PEAK1: variants seen among roughly 807,000 people sequenced by gnomAD.
PEAK1 encodes the protein inactive tyrosine-protein kinase PEAK1.
PEAK1 carries 54 observed loss-of-function variants against 124.7 expected under a neutral mutation model. That is an observed-to-expected ratio of 0.43 (90% CI 0.35 to 0.54). The LOEUF (loss-of-function observed/expected upper bound fraction) is 0.54. Among genes scored for constraint, PEAK1 ranks in the 20% least tolerant of loss-of-function variants. The probability of loss-of-function intolerance (pLI) is 0.01; values close to 1 mark genes in which losing one functional copy is unlikely to be tolerated. For synonymous variants in PEAK1, 719 were observed against 760.0 expected (o/e 0.95, Z 0.89); for missense variants, 2,046 against 2,134.5 (o/e 0.96, Z 0.82).
rs183875405 is a variant in PEAK1 at position 77,144,706 on chromosome 15, G to A, written c.3332-10956C>T. On this transcript the variant is annotated intron_variant, in intron 8 of 9. Transcript: ENST00000682557. ...CCACATGAGAATCAGAAACTTATGC[G>A]TTCCAAATGAAACCACAAACATTCC... Among the ~76,000 whole-genome samples the A allele has an allele frequency of 2.1e-3, 315 of 152,306 alleles. 2 individuals carry two copies. The highest frequency in any genetic ancestry group is 6.4e-3 in the African/African-American group (268 of 41,568).
At chr15:77,257,028 C>T (rs1038177617) in intron 5 of PEAK1, among the ~76,000 whole-genome samples, 31 of 152,098 alleles carry the variant, frequency 2.0e-4, no homozygotes, top group Admixed American at 9.2e-4. Flanking sequence ...TTTCCAATTT[C>T]ATCCATGTCC....
chr15:77,351,054 G>GA, intron 2 of PEAK1: 1 of 573,320 alleles, frequency 1.7e-6, no homozygotes, highest in Non-Finnish European at 2.2e-6. Flanking sequence ...CCTGCCTTCA[G>GA]AGGCAGAAGG....
intron 9 of PEAK1, among the ~76,000 whole-genome samples, chr15:77,127,059 T>C (rs2052434573): frequency 6.6e-6 from 1 of 152,158 alleles, no homozygotes; most frequent in South Asian, 2.1e-4. Context: ...AAAGAGATCA[T>C]AAGAGTGGGG....
At chr15:77,234,520 T>C (rs573654017) in intron 6 of PEAK1, among the ~76,000 whole-genome samples, 2 of 152,150 alleles carry the variant, frequency 1.3e-5, no homozygotes, top group South Asian at 4.1e-4. Flanking sequence ...CACAAAATAG[T>C]AAAAGGAATA....
intron 6 of PEAK1, among the ~76,000 whole-genome samples, chr15:77,190,149 G>T (rs2057761392): frequency 6.6e-6 from 1 of 152,002 alleles, no homozygotes; most frequent in African/African-American, 2.4e-5. Flanking sequence ...CCAATTAAAA[G>T]AAATTTTACC....
rs2057287424 is a variant in PEAK1, at chr15:77,181,727, T to C, written c.200A>G (p.Lys67Arg). Residue 67 changes from lysine (K) to arginine (R), a missense_variant, in exon 7 of 10, where the codon AAA (lysine) becomes AGA (arginine). Coordinates refer to ENST00000682557, the MANE Select transcript of PEAK1 (RefSeq NM_001385026.1). ...GGGCTTCACAGCTATAGTGGGTTTT[T>C]TAGCCACAGGAGGCCGGAAATTGCC... ...NTGNFRPPVA[K>R]KPTIAVKPTM... The C allele has an allele frequency of 6.2e-7, 1 of 1,614,156 alleles. No individual in the cohort carries two copies. Among genetic ancestry groups the C allele is most frequent in the Middle Eastern group, 1.6e-4 (1 of 6,062 alleles).
chr15:77,244,801 C>T (rs2060507335), intron 6 of PEAK1, among the ~76,000 whole-genome samples: 1 of 152,000 alleles, frequency 6.6e-6, no homozygotes, highest in Admixed American at 6.6e-5. Context: ...ATTGGGCAGG[C>T]TGGTCTCAAA....
chr15:77,234,047 G>A (rs538049892), intron 6 of PEAK1, among the ~76,000 whole-genome samples: 2 of 152,120 alleles, frequency 1.3e-5, no homozygotes, highest in South Asian at 2.1e-4. Flanking sequence ...TAAACTTTTT[G>A]TAGAGATGGG....
chr15:77,114,569 C>T lies in PEAK1; in HGVS notation c.4828G>A (p.Asp1610Asn). ...CTCTCCTTCAGCTCTGGGTTCTCAT[C>T]AAAGGGGTTGGGTAGGTGCAGCATC... The part of the protein sequence containing the change: ...YEMLHLPNPF[D>N]ENPELKEREY... The change falls in exon 10 of 10, where the codon GAT (aspartate) becomes AAT (asparagine). Residue 1610 changes from aspartate (D) to asparagine (N), a missense_variant. Physicochemically the swap from Asp to Asn is conservative, Grantham distance 23. Transcript: ENST00000682557. 1 of 1,614,096 alleles carries T rather than the reference C, an allele frequency of 6.2e-7. No homozygotes were observed. Among genetic ancestry groups the T allele is most frequent in the East Asian group, 2.2e-5 (1 of 44,850 alleles).
chr15:77,233,042 C>T (rs921937185), intron 6 of PEAK1, among the ~76,000 whole-genome samples: 1 of 152,168 alleles, frequency 6.6e-6, no homozygotes, highest in African/African-American at 2.4e-5. Flanking sequence ...CCACCGCACC[C>T]GGTCCTTTTT....
chr15:77,279,207 A>AGAAT (rs1203264220), intron 5 of PEAK1, among the ~76,000 whole-genome samples: 2 of 152,036 alleles, frequency 1.3e-5, no homozygotes, highest in Admixed American at 1.3e-4. Context: ...TGTCACTAAT[A>AGAAT]GAATGTCTCC....
At chr15:77,365,521 T>A (rs1040342212) in intron 1 of PEAK1, among the ~76,000 whole-genome samples, 2 of 152,160 alleles carry the variant, frequency 1.3e-5, no homozygotes, top group East Asian at 1.9e-4. Flanking sequence ...GCGGGTCACC[T>A]GAGGTCAGGT....
intron 2 of PEAK1, chr15:77,347,823 CAG>C (rs2066959775): frequency 2.0e-6 from 2 of 984,950 alleles, no homozygotes; most frequent in Non-Finnish European, 2.4e-6. Context: ...AAGCACAAAA[CAG>C]TGTTTAAGTT....
chr15:77,260,777 G>A (rs976315063), intron 5 of PEAK1, among the ~76,000 whole-genome samples: 1 of 152,280 alleles, frequency 6.6e-6, no homozygotes, highest in South Asian at 2.1e-4. Context: ...GAGAGTAGTG[G>A]TTCTCCCAGC....
At chr15:77,299,193 T>G (rs6495237) in intron 2 of PEAK1, among the ~76,000 whole-genome samples, 60,862 of 152,100 alleles carry the variant, frequency 0.4, 12,557 homozygotes, top group East Asian at 0.65. Context: ...AATATCTTAA[T>G]TTTCTTCAAG....
intron 6 of PEAK1, among the ~76,000 whole-genome samples, chr15:77,194,974 G>A (rs2058032107): frequency 6.6e-6 from 1 of 152,140 alleles, no homozygotes; most frequent in Non-Finnish European, 1.5e-5. Flanking sequence ...AGTAAATTAT[G>A]TTCGGGGTTC....
chr15:77,385,906 TAG>T (rs2069889141), intron 1 of PEAK1, among the ~76,000 whole-genome samples: 1 of 152,194 alleles, frequency 6.6e-6, no homozygotes, highest in Admixed American at 6.5e-5. Context: ...GCCTTAGTTT[TAG>T]AATGAGTCAG....
rs1387935453 is a variant in PEAK1, at chr15:77,181,916, C to G, written c.11G>C (p.Cys4Ser). MSA[C>S]NTFTEHVWKP... ...CCAAACATGTTCAGTAAAGGTGTTACAAGCAGACATTTTTAAAAATAGAAC... is the reference window on the plus strand; with the variant it reads ...CCAAACATGTTCAGTAAAGGTGTTAGAAGCAGACATTTTTAAAAATAGAAC... The change falls in exon 7 of 10, where the codon TGT becomes TCT. Residue 4 changes from cysteine to serine, a missense_variant. Coordinates refer to ENST00000682557, the MANE Select transcript of PEAK1 (RefSeq NM_001385026.1). 1 of 1,550,780 alleles carries G rather than the reference C, an allele frequency of 6.4e-7. No individual in the cohort carries two copies. The highest frequency in any genetic ancestry group is 8.7e-7 in the Non-Finnish European group (1 of 1,150,332).
At position 77,158,493 on chromosome 15, in the gene PEAK1, T is replaced by C. The variant is rs1242103437; in HGVS notation, c.3331+10A>G. The stretch of plus-strand genomic sequence containing the variant: ...AGTTTAAATACTACTTATTGGACAT[T>C]TGCACTTACCTAAGTTGCTGTATGT... On this transcript the variant is annotated intron_variant, in intron 8 of 9. Transcript: ENST00000682557. 4 of 1,611,666 alleles carry C rather than the reference T, an allele frequency of 2.5e-6. No homozygotes were observed. The highest frequency in any genetic ancestry group is 3.4e-6 in the Non-Finnish European group (4 of 1,177,872).
Sources: allele counts gnomAD v4.1 joint callset (sites outside exome capture counted in the v4.1 genomes callset), GRCh38; gene constraint gnomAD v4.1.1; transcripts MANE v1.5; gene names NCBI Gene and HGNC (gene_info 2026-07-23, HGNC 2026-07-21).